Variants in EFNA5 observed in about 807,000 individuals in gnomAD.
EFNA5 encodes ephrin A5.
In EFNA5, 5 loss-of-function variants were observed where a neutral mutation model predicts 22.9. The observed-to-expected ratio is 0.22, with a 90% CI of 0.11 to 0.46. The LOEUF (loss-of-function observed/expected upper bound fraction) is 0.46, where lower values mean the gene tolerates loss of function less well. Among genes scored for constraint, EFNA5 ranks in the 20% least tolerant of loss-of-function variants. EFNA5 has a pLI of 0.99. For missense variants in EFNA5, 237 were observed against 293.3 expected (o/e 0.81, Z 1.40); for synonymous variants, 113 against 112.2 (o/e 1.01, Z -0.04).
At position 107,380,760 on chromosome 5, in the gene EFNA5, A is replaced by G. The variant is rs1747431033; in HGVS notation, c.*495T>C. On this transcript the variant is annotated 3_prime_UTR_variant, in exon 5 of 5. Transcript: ENST00000333274. ...TTAATACCTCCCCTCCGGACCTGAC[A>G]TGGTGACATGATGCCCTGCGCGATC... is the stretch of plus-strand genomic sequence containing the variant. The G allele has an allele frequency of 5.0e-6, 2 of 399,758 alleles. No individual in the cohort carries two copies. Among genetic ancestry groups the G allele is most frequent in the Admixed American group, 8.7e-5 (2 of 22,998 alleles). The allele number at this position is 399,758 out of a possible 1,614,324, so 24.8% of individuals were successfully genotyped here. A position where few individuals can be genotyped will look rare whatever the true frequency, so the allele number is the denominator to read the frequency against.
intron 1 of EFNA5, among the ~76,000 whole-genome samples, chr5:107,480,023 T>G (rs1041690087): frequency 6.6e-6 from 1 of 152,224 alleles, no homozygotes; most frequent in Non-Finnish European, 1.5e-5. Flanking sequence ...GAAATCATAC[T>G]GATTTAATTC....
chr5:107,394,874 G>A (rs966723320), intron 2 of EFNA5, among the ~76,000 whole-genome samples: 6 of 152,116 alleles, frequency 3.9e-5, no homozygotes, highest in African/African-American at 1.2e-4. Flanking sequence ...TTTTACTTGC[G>A]TTTAAAAGCT....
chr5:107,401,707 T>G (rs1748089181), intron 2 of EFNA5, among the ~76,000 whole-genome samples: 2 of 152,140 alleles, frequency 1.3e-5, no homozygotes, highest in African/African-American at 4.8e-5. Flanking sequence ...TTGGGGAAAT[T>G]TATGTCAACC....
chr5:107,446,419 T>TA (rs1749397579), intron 1 of EFNA5, among the ~76,000 whole-genome samples: 1 of 152,180 alleles, frequency 6.6e-6, no homozygotes, highest in Non-Finnish European at 1.5e-5. Context: ...AGGTAGAGTG[T>TA]AATTTTTGTT....
At chr5:107,511,812 C>CAAA (rs869134035) in intron 1 of EFNA5, among the ~76,000 whole-genome samples, 8 of 125,110 alleles carry the variant, frequency 6.4e-5, no homozygotes, top group African/African-American at 2.0e-4. Flanking sequence ...TAAAAAAAAC[C>CAAA]TGACTAATAA....
chr5:107,391,504 T>C (rs1012568074), intron 2 of EFNA5, among the ~76,000 whole-genome samples: 1 of 152,184 alleles, frequency 6.6e-6, no homozygotes, highest in Non-Finnish European at 1.5e-5. Context: ...AAAGAGGCAG[T>C]GACTTGCAAA....
At chr5:107,612,804 A>C (rs1284583970) in intron 1 of EFNA5, among the ~76,000 whole-genome samples, 2 of 152,152 alleles carry the variant, frequency 1.3e-5, no homozygotes, top group African/African-American at 4.8e-5. Flanking sequence ...GAACAGAGTC[A>C]CTATGAGAAT....
intron 2 of EFNA5, among the ~76,000 whole-genome samples, chr5:107,402,100 G>C (rs556351294): frequency 3.3e-4 from 50 of 152,280 alleles, no homozygotes; most frequent in African/African-American, 1.2e-3. Context: ...TGGTTTCACC[G>C]ACAGGACTCC....
chr5:107,520,272 GC>G (rs1208360403), intron 1 of EFNA5, among the ~76,000 whole-genome samples: 1 of 152,124 alleles, frequency 6.6e-6, no homozygotes, highest in African/African-American at 2.4e-5. Flanking sequence ...GTCACTAAAA[GC>G]TTTATAAAGG....
chr5:107,517,649 G>A (rs1275467477), intron 1 of EFNA5, among the ~76,000 whole-genome samples: 4 of 152,140 alleles, frequency 2.6e-5, no homozygotes, highest in Admixed American at 2.6e-4. Flanking sequence ...AACAAATTGC[G>A]CTGCATTATG....
intron 1 of EFNA5, among the ~76,000 whole-genome samples, chr5:107,447,136 G>A (rs1007062313): frequency 9.9e-5 from 15 of 152,250 alleles, no homozygotes; most frequent in East Asian, 7.7e-4. Context: ...AAGTTTTTAT[G>A]AGAAAGGGGC....
chr5:107,493,605 A>C (rs541442930), intron 1 of EFNA5, among the ~76,000 whole-genome samples: 10 of 152,376 alleles, frequency 6.6e-5, no homozygotes, highest in Admixed American at 6.5e-4. Context: ...TTTACAATGT[A>C]CTTATTCAGA....
chr5:107,608,049 C>CTGT (rs1749758980), intron 1 of EFNA5, among the ~76,000 whole-genome samples: 3 of 152,154 alleles, frequency 2.0e-5, no homozygotes, highest in South Asian at 4.1e-4. Flanking sequence ...CGTTCAGCAA[C>CTGT]GTCAAAACGA....
At chr5:107,623,158 T>C (rs1265581109) in intron 1 of EFNA5, among the ~76,000 whole-genome samples, 1 of 152,070 alleles carries the variant, frequency 6.6e-6, no homozygotes, top group African/African-American at 2.4e-5. Flanking sequence ...TACTTCCTTT[T>C]ATTTCATCTA....
At chr5:107,659,147 C>G (rs1010714714) in intron 1 of EFNA5, among the ~76,000 whole-genome samples, 10 of 152,076 alleles carry the variant, frequency 6.6e-5, no homozygotes, top group African/African-American at 1.9e-4. Flanking sequence ...AAATATCACT[C>G]AATAGTTTAT....
At chr5:107,577,889 C>T (rs537092783) in intron 1 of EFNA5, among the ~76,000 whole-genome samples, 7 of 152,042 alleles carry the variant, frequency 4.6e-5, no homozygotes, top group Non-Finnish European at 7.4e-5. Context: ...TTTTGGAGCG[C>T]GGGGGTTCAG....
At chr5:107,425,487 T>A (rs913587917) in intron 2 of EFNA5, among the ~76,000 whole-genome samples, 1 of 152,360 alleles carries the variant, frequency 6.6e-6, no homozygotes, top group African/African-American at 2.4e-5. Context: ...TTTTCTCATA[T>A]GCTGAATGAG....
At chr5:107,423,830 A>G (rs2112417112) in intron 2 of EFNA5, among the ~76,000 whole-genome samples, 1 of 152,324 alleles carries the variant, frequency 6.6e-6, no homozygotes, top group South Asian at 2.1e-4. Context: ...AATATAGCAT[A>G]GTTATTCTTG....
intron 2 of EFNA5, among the ~76,000 whole-genome samples, chr5:107,401,071 T>C (rs1480896503): frequency 6.6e-6 from 1 of 152,228 alleles, no homozygotes; most frequent in Non-Finnish European, 1.5e-5. Context: ...ATGAAAAGCC[T>C]GCAGAATGGA....
Sources: allele counts gnomAD v4.1 joint callset (sites outside exome capture counted in the v4.1 genomes callset), GRCh38; gene constraint gnomAD v4.1.1; transcripts MANE v1.5; gene names NCBI Gene and HGNC (gene_info 2026-07-23, HGNC 2026-07-21).